Variants in CCDC39 observed in about 807,000 individuals in gnomAD.
CCDC39 encodes coiled-coil domain 39 molecular ruler complex subunit, also known as coiled-coil domain-containing protein 39.
CCDC39 carries 113 observed loss-of-function variants against 121.0 expected under a neutral mutation model. The observed-to-expected ratio is 0.93, with a 90% CI of 0.80 to 1.09. CCDC39 has a LOEUF of 1.09. Among genes scored for constraint, CCDC39 ranks in the 50% least tolerant of loss-of-function variants. CCDC39 has a pLI of 0.00. For synonymous variants in CCDC39, 349 were observed against 352.2 expected, an observed-to-expected ratio of 0.99 and a Z score of 0.10; for missense variants, 1,063 against 1,074.7, an observed-to-expected ratio of 0.99 and a Z score of 0.15.
intron 11 of CCDC39, among the ~76,000 whole-genome samples, chr3:180,644,954 ATTGT>A (rs1004465490): frequency 2.6e-5 from 4 of 152,132 alleles, no homozygotes; most frequent in African/African-American, 9.7e-5. Flanking sequence ...ATTGGAGTTC[ATTGT>A]TTGATTCTAC....
intron 1 of CCDC39, among the ~76,000 whole-genome samples, chr3:180,669,461 C>G (rs3855738): frequency 0.26 from 39,907 of 151,790 alleles, 6,222 homozygotes; most frequent in African/African-American, 0.42. Context: ...CCAGAAATAT[C>G]TAAATGTCTC....
At chr3:180,644,599 G>A (rs1718030371) in intron 11 of CCDC39, among the ~76,000 whole-genome samples, 1 of 152,246 alleles carries the variant, frequency 6.6e-6, no homozygotes, top group African/African-American at 2.4e-5. Flanking sequence ...CCACCAAAAG[G>A]TATGGATGTT....
chr3:180,619,617 C>G (rs1576931784), intron 15 of CCDC39, among the ~76,000 whole-genome samples, 194 bp downstream of exon 15: 1 of 148,342 alleles, frequency 6.7e-6, no homozygotes, highest in Non-Finnish European at 1.5e-5. Context: ...AGATCCTGAA[C>G]TAATAATGGA....
In CCDC39 at chr3:180,615,011, C is replaced by T. The variant is rs183889161; in HGVS notation, c.2736G>A (p.Pro912=). The T allele has an allele frequency of 2.4e-5, 37 of 1,558,780 alleles. No individual in the cohort carries two copies. The African/African-American group carries it at 3.5e-4, about 15-fold the overall frequency. Residue 912 remains proline, a synonymous_variant, in exon 20 of 20, where the codon CCG becomes CCA. Transcript: ENST00000476379. ...GGCTGCCTACTAGTGAAGAGGAGGC[C>T]GGGAATTTAAGCTCCAGTACTTTAA... is the stretch of plus-strand genomic sequence containing the variant. ...SSIKVLELKF[P]ASSSLVGSPS...
intron 13 of CCDC39, among the ~76,000 whole-genome samples, chr3:180,632,735 TAGAC>T (rs1717729971): frequency 6.6e-6 from 1 of 151,056 alleles, no homozygotes. Context: ...GGAAAAAAAA[TAGAC>T]ACACACGGAA....
chr3:180,645,447 C>G (rs1238089566), intron 11 of CCDC39, among the ~76,000 whole-genome samples: 1 of 152,046 alleles, frequency 6.6e-6, no homozygotes, highest in East Asian at 1.9e-4. Context: ...GTTCCAAGAT[C>G]TCTTTCCCTC....
intron 13 of CCDC39, among the ~76,000 whole-genome samples, chr3:180,635,045 C>A (rs1036660633): frequency 3.1e-4 from 47 of 152,318 alleles, no homozygotes; most frequent in Admixed American, 2.7e-3. Context: ...CACAGTTCCA[C>A]ATGTCTGGGG....
At chr3:180,627,171 T>C (rs1717583550) in intron 14 of CCDC39, among the ~76,000 whole-genome samples, 1 of 152,212 alleles carries the variant, frequency 6.6e-6, no homozygotes, top group Admixed American at 6.5e-5. Flanking sequence ...GTTTTATTAG[T>C]AATATTTCCA....
intron 16 of CCDC39, among the ~76,000 whole-genome samples, chr3:180,618,782 C>T (rs1022459464): frequency 5.9e-5 from 9 of 152,020 alleles, no homozygotes; most frequent in African/African-American, 2.2e-4. Context: ...GTATATGTGC[C>T]ACATTTTCTT....
In CCDC39 at chr3:180,614,656, C is replaced by T. The variant is rs573895014; in HGVS notation, c.*265G>A. 17 of 336,560 alleles carry T rather than the reference C, an allele frequency of 5.1e-5. No individual in the cohort carries two copies. Among genetic ancestry groups the T allele is most frequent in the South Asian group, 3.8e-4 (8 of 21,106 alleles). The allele number at this position is 336,560 out of a possible 1,614,324, so 20.8% of individuals were successfully genotyped here. A position where few individuals can be genotyped will look rare whatever the true frequency, so the allele number is the denominator to read the frequency against. On this transcript the variant is annotated 3_prime_UTR_variant, in exon 20 of 20. Coordinates refer to ENST00000476379, the MANE Select transcript of CCDC39 (RefSeq NM_181426.2). ...TGAAGCAAACTATTTTCTAACACTACGAACATCAGAATTACAGTGAAATAC... is the reference window on the plus strand; with the variant it reads ...TGAAGCAAACTATTTTCTAACACTATGAACATCAGAATTACAGTGAAATAC...
intron 6 of CCDC39, among the ~76,000 whole-genome samples, chr3:180,656,083 AAAGTTGTTTAGTTTTC>A (rs1435179337): frequency 6.6e-6 from 1 of 152,230 alleles, no homozygotes; most frequent in Non-Finnish European, 1.5e-5. Flanking sequence ...AGGAAATTTT[AAAGTTGTTTAGTTTTC>A]AAGTTGTTTA....
At chr3:180,657,189 G>A (rs151067822) in intron 6 of CCDC39, among the ~76,000 whole-genome samples, 2 of 152,200 alleles carry the variant, frequency 1.3e-5, no homozygotes, top group East Asian at 1.9e-4. Flanking sequence ...TTTTCAAAAT[G>A]TGTTGTTTTG....
chr3:180,663,869 G>A lies in CCDC39; in HGVS notation c.208C>T (p.Gln70Ter). The change falls in exon 2 of 20, where the codon CAG (glutamine) becomes TAG (stop). Residue 70 changes from glutamine to a stop codon, truncating the protein, a stop_gained and splice_region_variant. Coordinates refer to ENST00000476379, the MANE Select transcript of CCDC39 (RefSeq NM_181426.2). LOFTEE classifies it high-confidence loss of function. ...AACATAAATTTCAGTTACTGTACCTGTGTAATTGAGAGCTCTTGCTTAACA... is the reference window on the plus strand; with the variant it reads ...AACATAAATTTCAGTTACTGTACCTATGTAATTGAGAGCTCTTGCTTAACA... ...KNVKQELSIT[Q>*]SLCKARERET... 1 of 1,611,996 alleles carries A rather than the reference G, an allele frequency of 6.2e-7. No homozygotes were observed. The highest frequency in any genetic ancestry group is 8.5e-7 in the Non-Finnish European group (1 of 1,179,066).
intron 14 of CCDC39, among the ~76,000 whole-genome samples, chr3:180,629,952 TTTA>T (rs1047601052): frequency 1.3e-5 from 2 of 152,180 alleles, no homozygotes; most frequent in Admixed American, 6.5e-5. Context: ...ATAACTAACA[TTTA>T]TTGAGGACTC....
chr3:180,662,404 T>C (rs1042292470), intron 2 of CCDC39, among the ~76,000 whole-genome samples: 3 of 152,146 alleles, frequency 2.0e-5, no homozygotes, highest in African/African-American at 7.2e-5. Context: ...CAGACATTAT[T>C]TTTAAATAAT....
chr3:180,669,228 C>T (rs72497165), intron 1 of CCDC39, among the ~76,000 whole-genome samples: 13,993 of 151,680 alleles, frequency 0.092, 1,080 homozygotes, highest in East Asian at 0.39. Flanking sequence ...TACAAAAGTG[C>T]CACACTGTTT....
chr3:180,666,992 C>T (rs568299169), intron 1 of CCDC39, among the ~76,000 whole-genome samples: 9 of 151,476 alleles, frequency 5.9e-5, no homozygotes, highest in Non-Finnish European at 8.8e-5. Context: ...ATATAGTTGC[C>T]GAAATAAAAC....
chr3:180,623,090 A>G (rs565993385), intron 14 of CCDC39, among the ~76,000 whole-genome samples: 6 of 143,734 alleles, frequency 4.2e-5, no homozygotes, highest in African/African-American at 1.6e-4. Context: ...TATTATTATT[A>G]TTATTATTAT....
intron 11 of CCDC39, among the ~76,000 whole-genome samples, chr3:180,644,857 G>C (rs1057430843): frequency 1.3e-5 from 2 of 152,104 alleles, no homozygotes; most frequent in Non-Finnish European, 2.9e-5. Context: ...GGAGCTTGTG[G>C]ATACAGAGGG....
Sources: gnomAD v4.1 joint callset for allele counts (sites outside exome capture counted in the v4.1 genomes callset) on GRCh38, gnomAD v4.1.1 for gene constraint, MANE v1.5 for transcripts, NCBI Gene and HGNC (gene_info 2026-07-23, HGNC 2026-07-21) for gene names.